The following NTRK3 variants were observed in gnomAD, a reference collection of about 807,000 sequenced individuals.
NTRK3 encodes NT-3 growth factor receptor.
A neutral mutation model predicts 91.7 loss-of-function variants in NTRK3; 24 were observed. That is an observed-to-expected ratio of 0.26 (90% CI 0.19 to 0.37). NTRK3 has a LOEUF of 0.37. Ranked by LOEUF, NTRK3 falls within the 10% of genes least tolerant of loss-of-function variation. The pLI, the probability that NTRK3 is intolerant of heterozygous loss-of-function variation, is 1.00. For synonymous variants in NTRK3, 483 were observed against 404.0 expected, an observed-to-expected ratio of 1.20 and a Z score of -2.34; for missense variants, 880 against 1,068.9, an observed-to-expected ratio of 0.82 and a Z score of 2.46.
At chr15:87,996,553 T>C (rs1247518538) in intron 14 of NTRK3, among the ~76,000 whole-genome samples, 1 of 152,156 alleles carries the variant, frequency 6.6e-6, no homozygotes, top group Admixed American at 6.5e-5. Flanking sequence ...ACAAGACCAT[T>C]AGCAACACAG....
chr15:87,874,395 A>C (rs1365321241), exon 19 of NTRK3: 1 of 229,884 alleles, frequency 4.4e-6, no homozygotes, highest in African/African-American at 2.2e-5. Context: ...CAATCTGACA[A>C]CTGCGGTCTC....
At chr15:88,058,687 C>A (rs1213668310) in intron 13 of NTRK3, among the ~76,000 whole-genome samples, 2 of 152,168 alleles carry the variant, frequency 1.3e-5, no homozygotes, top group South Asian at 2.1e-4. Context: ...ATATATCCAT[C>A]CCCATCTGTT....
chr15:87,934,332 G>A (rs2069078636), intron 15 of NTRK3, among the ~76,000 whole-genome samples: 1 of 152,204 alleles, frequency 6.6e-6, no homozygotes, highest in Non-Finnish European at 1.5e-5. Flanking sequence ...ACAAGGTAAT[G>A]AGGAAGTGAG....
At chr15:88,194,628 G>A (rs868853853) in intron 3 of NTRK3, among the ~76,000 whole-genome samples, 55 of 152,172 alleles carry the variant, frequency 3.6e-4, no homozygotes, top group Middle Eastern at 6.8e-3. Flanking sequence ...TTTCCACTGC[G>A]GCCCAATTAA....
At chr15:87,935,769 C>T (rs1454421426) in intron 15 of NTRK3, among the ~76,000 whole-genome samples, 3 of 152,170 alleles carry the variant, frequency 2.0e-5, no homozygotes, top group Admixed American at 2.0e-4. Flanking sequence ...CTGTTCTCAG[C>T]TCTTGAGCAG....
chr15:88,047,629 C>CAA (rs2080351721), intron 13 of NTRK3, among the ~76,000 whole-genome samples: 1 of 152,152 alleles, frequency 6.6e-6, no homozygotes, highest in Non-Finnish European at 1.5e-5. Context: ...TTCATGCATC[C>CAA]ATTAACCTAA....
intron 17 of NTRK3, chr15:87,916,411 C>A: frequency 1.5e-6 from 1 of 664,172 alleles, no homozygotes; most frequent in South Asian, 1.6e-5. Context: ...GTGAATGACT[C>A]AACACCAGAT....
At chr15:87,875,260 C>T (rs537051211) in exon 19 of NTRK3, 1 of 230,024 alleles carries the variant, frequency 4.3e-6, no homozygotes, top group East Asian at 6.2e-5. Flanking sequence ...TGGGGCAAGG[C>T]AGAGGGGCCC....
chr15:88,164,131 G>A (rs796689437), intron 5 of NTRK3, among the ~76,000 whole-genome samples: 1 of 152,190 alleles, frequency 6.6e-6, no homozygotes, highest in South Asian at 2.1e-4. Context: ...ATTTCCAGAG[G>A]AATCCAGGGA....
intron 14 of NTRK3, among the ~76,000 whole-genome samples, chr15:87,994,698 G>A (rs888157055): frequency 6.6e-6 from 1 of 152,184 alleles, no homozygotes; most frequent in Non-Finnish European, 1.5e-5. Context: ...TCCCTGAGAA[G>A]GAAAGTACAT....
At chr15:88,236,322 T>C (rs952354289) in intron 3 of NTRK3, among the ~76,000 whole-genome samples, 2 of 152,108 alleles carry the variant, frequency 1.3e-5, no homozygotes, top group African/African-American at 4.8e-5. Context: ...CAAACAGATA[T>C]TATATGATTC....
chr15:88,022,725 G>T (rs1325337640), intron 14 of NTRK3, among the ~76,000 whole-genome samples: 1 of 152,048 alleles, frequency 6.6e-6, no homozygotes, highest in African/African-American at 2.4e-5. Flanking sequence ...AAGCTGGCTG[G>T]GGGTCTCATC....
chr15:88,072,750 T>G, intron 13 of NTRK3: 1 of 232,896 alleles, frequency 4.3e-6, no homozygotes, highest in East Asian at 6.1e-5. Context: ...ACCTGGCTTT[T>G]GGGGGAGAGG....
chr15:88,229,539 AC>A (rs1354069337), intron 3 of NTRK3, among the ~76,000 whole-genome samples: 1 of 152,186 alleles, frequency 6.6e-6, no homozygotes, highest in Non-Finnish European at 1.5e-5. Context: ...AAAAGAAGAT[AC>A]CCTGGTCTGC....
At chr15:88,137,286 G>T in intron 7 of NTRK3, 118 bp downstream of exon 7, 2 of 1,203,222 alleles carry the variant, frequency 1.7e-6, no homozygotes, top group Non-Finnish European at 2.4e-6. Flanking sequence ...CAGAGTTCAA[G>T]GCTGGGAGGG....
In NTRK3 at chr15:88,164,222, C is replaced by T. The variant is rs559770597; in HGVS notation, c.396-16819G>A. 1.1e-4 allele frequency among the ~76,000 whole-genome samples: 17 copies of T among 152,216 alleles called. No homozygotes were observed. The South Asian group carries it at 1.9e-3, about 17-fold the overall frequency. ...GTCTTGGCCCCTTGCTGGACCCACA[C>T]GGTGGTGGGCTGCAGCCGGGCTGGC... On this transcript the variant is annotated intron_variant, in intron 5 of 18. Coordinates refer to ENST00000394480, the Ensembl canonical transcript of NTRK3.
chr15:88,213,412 G>A (rs1209409221), intron 3 of NTRK3, among the ~76,000 whole-genome samples: 1 of 152,166 alleles, frequency 6.6e-6, no homozygotes, highest in Non-Finnish European at 1.5e-5. Context: ...AGGAACAGGG[G>A]GACAAGCTGC....
At chr15:87,937,773 G>A (rs1458590012) in intron 15 of NTRK3, among the ~76,000 whole-genome samples, 1 of 151,978 alleles carries the variant, frequency 6.6e-6, no homozygotes, top group Non-Finnish European at 1.5e-5. Context: ...GCCACAAGAA[G>A]GGGGAGAAAT....
At chr15:88,148,624 G>A (rs933836366) in intron 5 of NTRK3, among the ~76,000 whole-genome samples, 2 of 152,184 alleles carry the variant, frequency 1.3e-5, no homozygotes, top group African/African-American at 4.8e-5. Flanking sequence ...TTGGGATAAG[G>A]GGGAGAGGCA....
Sources: allele counts gnomAD v4.1 joint callset (sites outside exome capture counted in the v4.1 genomes callset), GRCh38; gene constraint gnomAD v4.1.1; transcripts MANE v1.5; gene names NCBI Gene and HGNC (gene_info 2026-07-23, HGNC 2026-07-21).